GRIP1: variants seen among roughly 807,000 people sequenced by gnomAD.
GRIP1 encodes the protein glutamate receptor-interacting protein 1.
A neutral mutation model predicts 129.9 loss-of-function variants in GRIP1; 45 were observed. That is an observed-to-expected ratio of 0.35 (90% CI 0.27 to 0.44). GRIP1 has a LOEUF of 0.44. Among genes scored for constraint, GRIP1 ranks in the 20% least tolerant of loss-of-function variants. The pLI is 1.00. For synonymous variants in GRIP1, 530 were observed against 520.8 expected, an observed-to-expected ratio of 1.02 and a Z score of -0.24; for missense variants, 1,196 against 1,396.8, an observed-to-expected ratio of 0.86 and a Z score of 2.29.
Position 66,444,627 on chromosome 12 carries a change from T to C in GRIP1, c.1644A>G (p.Ser548=). 6.2e-7 allele frequency: 1 copy of C among 1,614,172 alleles called. No individual in the cohort carries two copies. The highest frequency in any genetic ancestry group is 2.2e-5 in the East Asian group (1 of 44,888). ...TTTCCAGTGTGACCTTGCTCGTGATTGAAGAGTCTCGGAGGAGCTGACTGG... is the reference window on the plus strand; with the variant it reads ...TTTCCAGTGTGACCTTGCTCGTGATCGAAGAGTCTCGGAGGAGCTGACTGG... ...EEASQLLRDS[S]ITSKVTLEIE... The change falls in exon 13 of 25, where the codon TCA becomes TCG. Residue 548 remains serine (S), a synonymous_variant. Transcript: ENST00000359742.
intron 23 of GRIP1, among the ~76,000 whole-genome samples, chr12:66,360,149 C>T (rs914483842): frequency 4.0e-5 from 6 of 151,166 alleles, no homozygotes; most frequent in Non-Finnish European, 8.8e-5. Flanking sequence ...TATCTGACCT[C>T]GTTTGCTGTG....
intron 1 of GRIP1, among the ~76,000 whole-genome samples, chr12:66,900,052 G>C (rs1050618219): frequency 1.3e-5 from 2 of 152,132 alleles, no homozygotes; most frequent in Non-Finnish European, 2.9e-5. Flanking sequence ...ATGTCCTCTT[G>C]AATGTTAGAA....
chr12:66,523,658 G>C (rs2061108736), intron 5 of GRIP1, among the ~76,000 whole-genome samples: 1 of 151,412 alleles, frequency 6.6e-6, no homozygotes, highest in Admixed American at 6.6e-5. Flanking sequence ...CATAATGACA[G>C]GACCAAATTC....
chr12:66,380,775 A>G (rs1385256722), intron 19 of GRIP1, among the ~76,000 whole-genome samples: 2 of 152,198 alleles, frequency 1.3e-5, no homozygotes, highest in Non-Finnish European at 2.9e-5. Flanking sequence ...GTCTGATTCC[A>G]TAGCTTGTGC....
In GRIP1 at chr12:66,777,643, A is replaced by G. The variant is rs899968519; in HGVS notation, c.-420+26410T>C. Among the ~76,000 whole-genome samples, 10 of 152,168 alleles carry G rather than the reference A, an allele frequency of 6.6e-5. 1 individual carries two copies. The highest frequency in any genetic ancestry group is 2.4e-4 in the African/African-American group (10 of 41,428). On this transcript the variant is annotated intron_variant, in intron 1 of 4. Transcript: ENST00000538373. The stretch of plus-strand genomic sequence containing the variant: ...AAGTCCCAAGAAAAGTGTGTGGCAC[A>G]TAGTAGGTTGTCAATAAGCATTTGT...
At chr12:66,757,706 C>T (rs1036299622) in intron 1 of GRIP1, among the ~76,000 whole-genome samples, 2 of 152,140 alleles carry the variant, frequency 1.3e-5, no homozygotes, top group African/African-American at 4.8e-5. Context: ...AATTCATATT[C>T]CCACAACAGT....
At chr12:66,411,618 G>T (rs1194162404) in intron 15 of GRIP1, among the ~76,000 whole-genome samples, 1 of 152,170 alleles carries the variant, frequency 6.6e-6, no homozygotes, top group Admixed American at 6.5e-5. Context: ...CACAGAACTG[G>T]GCTGAAGCTG....
chr12:66,392,589 C>A, intron 18 of GRIP1, 87 bp from the exon 19 acceptor site: 1 of 1,582,186 alleles, frequency 6.3e-7, no homozygotes, highest in Non-Finnish European at 8.7e-7. Context: ...ATTTGTTTCC[C>A]TAGAATTACA....
At chr12:66,545,297 T>C (rs929479972) in intron 2 of GRIP1, among the ~76,000 whole-genome samples, 5 of 152,216 alleles carry the variant, frequency 3.3e-5, no homozygotes, top group Non-Finnish European at 7.3e-5. Context: ...TTCAATCTTT[T>C]TAATTACTGA....
At chr12:66,693,563 C>T (rs987035234) in intron 1 of GRIP1, among the ~76,000 whole-genome samples, 2 of 152,126 alleles carry the variant, frequency 1.3e-5, no homozygotes, top group Non-Finnish European at 2.9e-5. Flanking sequence ...GGGTGATATG[C>T]TCTCAGACAG....
chr12:66,637,153 T>C (rs2031472913), intron 1 of GRIP1, among the ~76,000 whole-genome samples: 1 of 152,040 alleles, frequency 6.6e-6, no homozygotes, highest in South Asian at 2.1e-4. Flanking sequence ...ATCATTTATA[T>C]TGGCAAAATC....
chr12:66,973,079 C>T (rs1747845727), intron 1 of GRIP1, among the ~76,000 whole-genome samples: 1 of 152,142 alleles, frequency 6.6e-6, no homozygotes, highest in Non-Finnish European at 1.5e-5. Context: ...ATTTCAACAC[C>T]ACCTGTGTAT....
At chr12:66,958,225 G>C (rs1454692554) in intron 1 of GRIP1, among the ~76,000 whole-genome samples, 1 of 152,074 alleles carries the variant, frequency 6.6e-6, no homozygotes, top group African/African-American at 2.4e-5. Context: ...TTACAGCCTG[G>C]AACTTCTGGG....
intron 1 of GRIP1, among the ~76,000 whole-genome samples, chr12:66,817,938 T>C (rs757736028): frequency 1.2e-4 from 18 of 152,310 alleles, no homozygotes; most frequent in South Asian, 4.1e-4. Context: ...AATATGTTAT[T>C]TGAACAGAGT....
At chr12:66,579,735 C>A (rs536964821) in intron 2 of GRIP1, among the ~76,000 whole-genome samples, 1 of 152,080 alleles carries the variant, frequency 6.6e-6, no homozygotes, top group African/African-American at 2.4e-5. Flanking sequence ...CAAACAAAGC[C>A]TCCAAGAAAT....
intron 1 of GRIP1, among the ~76,000 whole-genome samples, chr12:66,689,835 C>T (rs775439696): frequency 3.9e-5 from 6 of 152,152 alleles, no homozygotes; most frequent in Non-Finnish European, 5.9e-5. Flanking sequence ...CCCCCACTCC[C>T]AGACCTCTGG....
intron 1 of GRIP1, among the ~76,000 whole-genome samples, chr12:66,635,344 A>C (rs1479595883): frequency 6.6e-6 from 1 of 151,978 alleles, no homozygotes; most frequent in East Asian, 1.9e-4. Flanking sequence ...GGATCACTTG[A>C]GCCCAGGAGT....
At chr12:66,583,351 G>A (rs867052230) in intron 2 of GRIP1, among the ~76,000 whole-genome samples, 1,938 of 149,546 alleles carry the variant, frequency 0.013, 37 homozygotes, top group African/African-American at 0.046. Flanking sequence ...GCATGGGCAA[G>A]GACTTCATGT....
At chr12:67,038,909 C>A (rs1481717595) in intron 1 of GRIP1, among the ~76,000 whole-genome samples, 6 of 152,122 alleles carry the variant, frequency 3.9e-5, no homozygotes, top group Admixed American at 6.6e-5. Context: ...CAGATCAATA[C>A]TATACACATG....
Sources: allele counts gnomAD v4.1 joint callset (sites outside exome capture counted in the v4.1 genomes callset), GRCh38; gene constraint gnomAD v4.1.1; transcripts MANE v1.5; gene names NCBI Gene and HGNC (gene_info 2026-07-23, HGNC 2026-07-21).